Variants in GABRG3 observed in about 807,000 individuals in gnomAD.
The protein encoded by GABRG3 is gamma-aminobutyric acid type A receptor subunit gamma3.
Under a neutral mutation model 48.8 loss-of-function variants are expected in GABRG3, and 25 were observed. The ratio of observed to expected loss-of-function variants is 0.51; its 90% CI spans 0.37 to 0.72. The LOEUF (loss-of-function observed/expected upper bound fraction) is 0.72, where lower values mean the gene tolerates loss of function less well. Among genes scored for constraint, GABRG3 ranks in the 30% least tolerant of loss-of-function variants. The pLI is 0.00. For synonymous variants in GABRG3, 227 were observed against 217.6 expected (o/e 1.04, Z -0.38); for missense variants, 394 against 577.9 (o/e 0.68, Z 3.26).
At chr15:27,387,622 G>A (rs551965448) in intron 5 of GABRG3, among the ~76,000 whole-genome samples, 144 of 151,728 alleles carry the variant, frequency 9.5e-4, no homozygotes, top group African/African-American at 3.0e-3. Context: ...CTCCTTTTTA[G>A]GTGGCAGCAA....
At chr15:27,247,975 A>G (rs147547186) in intron 3 of GABRG3, among the ~76,000 whole-genome samples, 86 of 152,354 alleles carry the variant, frequency 5.6e-4, no homozygotes, top group African/African-American at 1.9e-3. Flanking sequence ...ACCATAACGC[A>G]TGACTACACA....
At chr15:27,515,306 T>C (rs8032626) in intron 6 of GABRG3, among the ~76,000 whole-genome samples, 14,706 of 152,004 alleles carry the variant, frequency 0.097, 1,615 homozygotes, top group African/African-American at 0.27. Flanking sequence ...GTTGGCCAGG[T>C]GGATTTTGAA....
At chr15:27,033,134 C>T (rs748427436) in intron 3 of GABRG3, among the ~76,000 whole-genome samples, 1 of 152,070 alleles carries the variant, frequency 6.6e-6, no homozygotes, top group Non-Finnish European at 1.5e-5. Context: ...TGTGGCCCCT[C>T]CTTTTTTGAC....
intron 3 of GABRG3, among the ~76,000 whole-genome samples, chr15:27,274,590 C>T (rs1891191785): frequency 6.6e-6 from 1 of 152,130 alleles, no homozygotes. Flanking sequence ...ATGGGCCCCA[C>T]CTTTCCATAC....
intron 3 of GABRG3, among the ~76,000 whole-genome samples, chr15:27,130,139 CA>C (rs1897891260): frequency 6.6e-6 from 1 of 152,062 alleles, no homozygotes; most frequent in African/African-American, 2.4e-5. Flanking sequence ...AATTTAATGA[CA>C]TGAAGCTTTT....
intron 6 of GABRG3, among the ~76,000 whole-genome samples, chr15:27,487,188 G>T (rs901206555): frequency 6.6e-6 from 1 of 152,008 alleles, no homozygotes; most frequent in African/African-American, 2.4e-5. Flanking sequence ...ACCTCTTCTT[G>T]GTCTAATGAA....
intron 2 of GABRG3, among the ~76,000 whole-genome samples, chr15:26,988,536 A>T (rs1298890102): frequency 1.3e-5 from 2 of 152,120 alleles, no homozygotes. Context: ...CTTTGTGTTT[A>T]AAATGTGTTT....
chr15:27,406,621 G>T (rs765364461), intron 5 of GABRG3, among the ~76,000 whole-genome samples: 8 of 152,146 alleles, frequency 5.3e-5, no homozygotes, highest in African/African-American at 1.7e-4. Context: ...CGTCCAGGTC[G>T]TCAAAAACAA....
chr15:27,081,215 G>A (rs4887551), intron 3 of GABRG3, among the ~76,000 whole-genome samples: 29,346 of 151,988 alleles, frequency 0.19, 2,921 homozygotes, highest in Middle Eastern at 0.25. Context: ...ACAAACAGGT[G>A]GCTTGCAAAT....
At chr15:27,231,085 A>G (rs1208735874) in intron 3 of GABRG3, among the ~76,000 whole-genome samples, 1 of 152,084 alleles carries the variant, frequency 6.6e-6, no homozygotes, top group Non-Finnish European at 1.5e-5. Flanking sequence ...TCAAGAAAAT[A>G]GAAAAATTTT....
chr15:27,248,780 A>ACC (rs1186868087), intron 3 of GABRG3, among the ~76,000 whole-genome samples: 1 of 106,978 alleles, frequency 9.3e-6, no homozygotes, highest in African/African-American at 4.4e-5. Flanking sequence ...ACACACACAC[A>ACC]CACACACACA....
chr15:27,243,078 T>C (rs182780448), intron 3 of GABRG3, among the ~76,000 whole-genome samples: 1 of 152,330 alleles, frequency 6.6e-6, no homozygotes, highest in African/African-American at 2.4e-5. Flanking sequence ...CGTTTTGATC[T>C]CTGATAGGAG....
At chr15:27,312,419 T>C (rs140419381) in intron 3 of GABRG3, among the ~76,000 whole-genome samples, 2 of 152,172 alleles carry the variant, frequency 1.3e-5, no homozygotes, top group African/African-American at 4.8e-5. Context: ...AATCTGAAGA[T>C]GGAAATGGTC....
At chr15:27,327,919 C>T (rs1020865412) in intron 4 of GABRG3, among the ~76,000 whole-genome samples, 7 of 152,238 alleles carry the variant, frequency 4.6e-5, no homozygotes, top group African/African-American at 1.7e-4. Context: ...TTAGCTCATC[C>T]ATCCTGAGAA....
At position 27,533,573 on chromosome 15, in the gene GABRG3, A is replaced by T. The variant is rs939735279; in HGVS notation, c.*692A>T. On this transcript the variant is annotated 3_prime_UTR_variant, in exon 10 of 10. Transcript: ENST00000615808. Reference sequence around the variant, plus strand: ...GGGTCAAAGATGATTATCTCTGAACATCAGAAGGTTATTACTTTATTCCAA... The same window carrying T: ...GGGTCAAAGATGATTATCTCTGAACTTCAGAAGGTTATTACTTTATTCCAA... 2.0e-5 allele frequency: 3 copies of T among 152,276 alleles called. No individual in the cohort carries two copies. The highest frequency in any genetic ancestry group is 4.4e-5 in the Non-Finnish European group (3 of 68,092). The allele number at this position is 152,276 out of a possible 1,614,324, so 9.4% of individuals were successfully genotyped here. A position where few individuals can be genotyped will look rare whatever the true frequency, so the allele number is the denominator to read the frequency against.
chr15:27,060,207 A>G (rs1349710324), intron 3 of GABRG3, among the ~76,000 whole-genome samples: 1 of 152,230 alleles, frequency 6.6e-6, no homozygotes, highest in Admixed American at 6.5e-5. Context: ...TAAGACCATT[A>G]TGCATATTTG....
chr15:27,316,820 T>G (rs772896726), intron 3 of GABRG3, among the ~76,000 whole-genome samples: 17 of 152,200 alleles, frequency 1.1e-4, no homozygotes, highest in Non-Finnish European at 2.1e-4. Flanking sequence ...TGGTGGATTT[T>G]GGTGTGGTTT....
chr15:27,507,414 G>T (rs1890786208), intron 6 of GABRG3, among the ~76,000 whole-genome samples: 1 of 152,116 alleles, frequency 6.6e-6, no homozygotes, highest in Non-Finnish European at 1.5e-5. Context: ...TGAGGTAGGA[G>T]AATGGCTTGA....
intron 6 of GABRG3, among the ~76,000 whole-genome samples, chr15:27,514,147 A>G (rs1203600830): frequency 6.6e-6 from 1 of 152,242 alleles, no homozygotes; most frequent in Non-Finnish European, 1.5e-5. Context: ...AGAAGAGCCA[A>G]GGCATCCATG....
Sources: allele counts gnomAD v4.1 joint callset (sites outside exome capture counted in the v4.1 genomes callset), GRCh38; gene constraint gnomAD v4.1.1; transcripts MANE v1.5; gene names NCBI Gene and HGNC (gene_info 2026-07-23, HGNC 2026-07-21).